Variants in TMEM218 observed in about 807,000 individuals in gnomAD.
The protein encoded by TMEM218 is transmembrane protein 218.
Under a neutral mutation model 10.0 loss-of-function variants are expected in TMEM218, and 8 were observed. That is an observed-to-expected ratio of 0.80 (90% confidence interval 0.47 to 1.44). TMEM218 has a LOEUF of 1.44. TMEM218 is among the 40% of genes most tolerant of loss of function. The pLI, the probability that TMEM218 is intolerant of heterozygous loss-of-function variation, is 0.00. For synonymous variants in TMEM218, 66 were observed against 63.5 expected, an observed-to-expected ratio of 1.04 and a Z score of -0.18; for missense variants, 110 against 140.1, an observed-to-expected ratio of 0.79 and a Z score of 1.08.
At chr11:125,100,447 C>T (rs753070079) in intron 4 of TMEM218, among the ~76,000 whole-genome samples, 14 of 152,160 alleles carry the variant, frequency 9.2e-5, no homozygotes, top group Admixed American at 2.0e-4. Flanking sequence ...ACCTGGCACA[C>T]GGAAATCCCT....
intron 1 of TMEM218, among the ~76,000 whole-genome samples, chr11:125,105,313 C>A (rs1250516982): frequency 6.6e-6 from 1 of 152,150 alleles, no homozygotes; most frequent in Non-Finnish European, 1.5e-5. Context: ...CCAGCAGAGA[C>A]AAAACTAAAC....
At chr11:125,109,707 G>T (rs1375487205) in intron 1 of TMEM218, among the ~76,000 whole-genome samples, 1 of 152,210 alleles carries the variant, frequency 6.6e-6, no homozygotes, top group Admixed American at 6.5e-5. Context: ...CAAGGGAGAA[G>T]GTGTTAGAAA....
At chr11:125,104,083 T>C (rs192017905) in intron 1 of TMEM218, 82 of 152,338 alleles carry the variant, frequency 5.4e-4, no homozygotes, top group African/African-American at 1.9e-3. Flanking sequence ...TTCTGATTAA[T>C]GGTAAAAGCG....
chr11:125,097,870 T>G, intron 4 of TMEM218, 130 bp from the exon 5 acceptor site: 1 of 816,746 alleles, frequency 1.2e-6, no homozygotes, highest in Non-Finnish European at 1.9e-6. Flanking sequence ...CTGCCCTGAG[T>G]CTCCTCTGTA....
At position 125,108,174 on chromosome 11, in the gene TMEM218, T is replaced by C. The variant is rs1486463962; in HGVS notation, c.-153+3365A>G. On this transcript the variant is annotated intron_variant, in intron 1 of 4. Coordinates refer to ENST00000682305, the MANE Select transcript of TMEM218 (RefSeq NM_001258244.2). The surrounding 1 kb of genome is among the most constrained non-coding windows in gnomAD (Gnocchi z 5.3). ...TGTTACCAACTGCCGCAAGACACAT[T>C]GAAAAACCAAAGTAATTAAAACAGT... Among the ~76,000 whole-genome samples, 3 of 152,134 alleles carry C rather than the reference T, an allele frequency of 2.0e-5. No homozygotes were observed. Among genetic ancestry groups the C allele is most frequent in the African/African-American group, 7.2e-5 (3 of 41,424 alleles).
In TMEM218 at chr11:125,097,711, A is replaced by G. The variant is rs760201348; in HGVS notation, c.243T>C (p.Tyr81=). ...TGGCACTAAGGAAAGCCAGCAGGACATAGCGGCCAATGAAAAAGTCATCCA... is the reference window on the plus strand; with the variant it reads ...TGGCACTAAGGAAAGCCAGCAGGACGTAGCGGCCAATGAAAAAGTCATCCA... ...KIVDDFFIGR[Y]VLLAFLSAIF... is the part of the protein sequence containing the mutation. Residue 81 remains tyrosine (Y), a synonymous_variant, in exon 5 of 5, where the codon TAT becomes TAC. Transcript: ENST00000682305. 9.3e-6 allele frequency: 15 copies of G among 1,613,940 alleles called. No individual in the cohort carries two copies. The South Asian group carries it at 1.5e-4, about 17-fold the overall frequency.
At chr11:125,105,199 A>T (rs1365815732) in intron 1 of TMEM218, among the ~76,000 whole-genome samples, 3 of 152,218 alleles carry the variant, frequency 2.0e-5, no homozygotes, top group Non-Finnish European at 4.4e-5. Flanking sequence ...TCCCCACCTC[A>T]CATCATATCC....
chr11:125,099,708 G>A (rs905641750), intron 4 of TMEM218, among the ~76,000 whole-genome samples: 1 of 152,126 alleles, frequency 6.6e-6, no homozygotes, highest in African/African-American at 2.4e-5. Flanking sequence ...TGGATCACCT[G>A]AGGTCAGCAG....
chr11:125,100,992 A>C (rs561750375), intron 4 of TMEM218, among the ~76,000 whole-genome samples: 11 of 152,346 alleles, frequency 7.2e-5, no homozygotes, highest in Admixed American at 6.5e-4. Flanking sequence ...GTGGGGTTGT[A>C]GATGGAATTC....
rs1220917937 is a variant in TMEM218 at position 125,101,203 on chromosome 11, T to C, written c.211A>G (p.Lys71Glu). The C allele has an allele frequency of 2.5e-6, 4 of 1,613,180 alleles. No homozygotes were observed. The highest frequency in any genetic ancestry group is 3.4e-6 in the Non-Finnish European group (4 of 1,179,590). The change falls in exon 4 of 5, where the codon AAG becomes GAG. Residue 71 changes from lysine to glutamate, a missense_variant and splice_region_variant. Lys to Glu is a moderately conservative substitution (Grantham distance 56, BLOSUM62 1). Transcript: ENST00000682305. ...CAAAACGAAAGCAACAGCTTTACCT[T>C]AACTTCCACTTCTGGGGCTGGGAAT... ...GEFPAPEVEV[K>E]IVDDFFIGRY... is the part of the protein sequence containing the mutation.
At position 125,097,692 on chromosome 11, in the gene TMEM218, T is replaced by C. The variant is rs1429865860; in HGVS notation, c.262A>G (p.Ser88Gly). Reference sequence around the variant, plus strand: ...AAGAGGCCTCCAAGGAAGATGGCACTAAGGAAAGCCAGCAGGACATAGCGG... The same window carrying C: ...AAGAGGCCTCCAAGGAAGATGGCACCAAGGAAAGCCAGCAGGACATAGCGG... ...IGRYVLLAFL[S>G]AIFLGGLFLV... Residue 88 changes from serine to glycine, a missense_variant, in exon 5 of 5, where the codon AGT (serine) becomes GGT (glycine). Coordinates refer to ENST00000682305, the MANE Select transcript of TMEM218 (RefSeq NM_001258244.2). The C allele has an allele frequency of 6.2e-7, 1 of 1,614,094 alleles. No individual in the cohort carries two copies. Among genetic ancestry groups the C allele is most frequent in the Non-Finnish European group, 8.5e-7 (1 of 1,179,984 alleles).
chr11:125,106,543 G>T (rs73012270), intron 1 of TMEM218, among the ~76,000 whole-genome samples: 120 of 152,292 alleles, frequency 7.9e-4, no homozygotes, highest in Non-Finnish European at 1.4e-3. Flanking sequence ...ATAAACACTT[G>T]AGAAAGAGGA....
At chr11:125,102,875 A>G (rs1274035481) in intron 1 of TMEM218, 66 bp from the exon 2 acceptor site, 2 of 403,280 alleles carry the variant, frequency 5.0e-6, no homozygotes, top group African/African-American at 2.1e-5. Flanking sequence ...CCGTACAAAC[A>G]TATCTCATTG....
At chr11:125,102,482 T>C (rs1284988083) in intron 2 of TMEM218, 165 bp from the exon 3 acceptor site, 2 of 1,461,914 alleles carry the variant, frequency 1.4e-6, no homozygotes, top group Non-Finnish European at 1.8e-6. Flanking sequence ...ACCCAAAGCC[T>C]TTCTCTTTGG....
rs751920106 is a variant in TMEM218, at chr11:125,108,354, C to T, written c.-153+3185G>A. 1.3e-5 allele frequency among the ~76,000 whole-genome samples: 2 copies of T among 152,020 alleles called. No homozygotes were observed. The highest frequency in any genetic ancestry group is 2.9e-5 in the Non-Finnish European group (2 of 68,000). ...GATAGTGTTGGGACAAATGATTCTC[C>T]AATAGGAAAAGAATAAAACTAGATC... On this transcript the variant is annotated intron_variant, in intron 1 of 4. Transcript: ENST00000682305. This position sits in a 1 kb window ranked among gnomAD's most constrained non-coding sequence, Gnocchi z 5.3.
intron 1 of TMEM218, among the ~76,000 whole-genome samples, chr11:125,105,618 A>G (rs1018671880): frequency 6.6e-6 from 1 of 152,224 alleles, no homozygotes; most frequent in Non-Finnish European, 1.5e-5. Context: ...TGGTAGATGG[A>G]AAAGGATAGT....
chr11:125,097,447 G>A lies in TMEM218; in HGVS notation c.*159C>T. On this transcript the variant is annotated 3_prime_UTR_variant, in exon 5 of 5. Transcript: ENST00000682305. Reference sequence around the variant, plus strand: ...GGGACAATTTGGCAATCCTGTTTCTGGAAGCCAGGACTCCAGAGATTTGTC... The same window carrying A: ...GGGACAATTTGGCAATCCTGTTTCTAGAAGCCAGGACTCCAGAGATTTGTC... 1.3e-6 allele frequency: 1 copy of A among 756,762 alleles called. No individual in the cohort carries two copies. The highest frequency in any genetic ancestry group is 2.0e-6 in the Non-Finnish European group (1 of 502,164). The allele number at this position is 756,762 out of a possible 1,614,324, so 46.9% of individuals were successfully genotyped here.
chr11:125,095,471 C>G lies in TMEM218; in HGVS notation c.*2135G>C, dbSNP rs1186047742. Among the ~76,000 whole-genome samples the G allele has an allele frequency of 2.0e-5, 3 of 152,204 alleles. No homozygotes were observed. The highest frequency in any genetic ancestry group is 7.2e-5 in the African/African-American group (3 of 41,450). ...ATCCATTTTGAGCCCTCTCAGCCTTCTACGTCTTATCCCAACCCTGCGGGG... is the reference window on the plus strand; with the variant it reads ...ATCCATTTTGAGCCCTCTCAGCCTTGTACGTCTTATCCCAACCCTGCGGGG... On this transcript the variant is annotated 3_prime_UTR_variant, in exon 5 of 5. Coordinates refer to ENST00000682305, the MANE Select transcript of TMEM218 (RefSeq NM_001258244.2).
At position 125,096,509 on chromosome 11, in the gene TMEM218, T is replaced by C. The variant is rs894791299; in HGVS notation, c.*1097A>G. 1.3e-5 allele frequency: 2 copies of C among 152,074 alleles called. No individual in the cohort carries two copies. Among genetic ancestry groups the C allele is most frequent in the East Asian group, 1.9e-4 (1 of 5,200 alleles). The allele number at this position is 152,074 out of a possible 1,614,324, so 9.4% of individuals were successfully genotyped here. A position where few individuals can be genotyped will look rare whatever the true frequency, so the allele number is the denominator to read the frequency against. On this transcript the variant is annotated 3_prime_UTR_variant, in exon 5 of 5. Coordinates refer to ENST00000682305, the MANE Select transcript of TMEM218 (RefSeq NM_001258244.2). ...AGCTTCCATTTTTTCTACTTTAAAG[T>C]GGGGATGATAAAAATGAGACCGTTG...
Sources: allele counts gnomAD v4.1 joint callset (sites outside exome capture counted in the v4.1 genomes callset), GRCh38; gene constraint gnomAD v4.1.1; non-coding constraint Gnocchi (gnomAD v3.1); transcripts MANE v1.5; gene names NCBI Gene and HGNC (gene_info 2026-07-23, HGNC 2026-07-21).